The following SLC35F1 variants were observed in gnomAD, a reference collection of about 807,000 sequenced individuals.
The protein encoded by SLC35F1 is chromosome 6 open reading frame 169.
SLC35F1 carries 14 observed loss-of-function variants against 48.7 expected under a neutral mutation model. The ratio of observed to expected loss-of-function variants is 0.29; its 90% CI spans 0.19 to 0.45. The LOEUF is 0.45. Among genes scored for constraint, SLC35F1 ranks in the 20% least tolerant of loss-of-function variants. SLC35F1 has a pLI of 1.00. For synonymous variants in SLC35F1, 190 were observed against 202.2 expected, an observed-to-expected ratio of 0.94 and a Z score of 0.51; for missense variants, 404 against 500.0, an observed-to-expected ratio of 0.81 and a Z score of 1.83.
At chr6:118,063,508 A>C (rs1180530565) in intron 1 of SLC35F1, among the ~76,000 whole-genome samples, 1 of 152,176 alleles carries the variant, frequency 6.6e-6, no homozygotes, top group Non-Finnish European at 1.5e-5. Context: ...CATACTTTTC[A>C]GTTATTCAGT....
intron 1 of SLC35F1, among the ~76,000 whole-genome samples, chr6:117,979,227 G>A (rs537185753): frequency 6.6e-6 from 1 of 152,288 alleles, no homozygotes; most frequent in East Asian, 1.9e-4. Context: ...TGTCAAAAAA[G>A]CTTCAGTTAA....
At chr6:117,999,044 C>G in intron 1 of SLC35F1, 1 of 1,472,070 alleles carries the variant, frequency 6.8e-7, no homozygotes, top group Non-Finnish European at 9.4e-7. Flanking sequence ...TATCAAGAAA[C>G]CCCGATCACA....
intron 1 of SLC35F1, among the ~76,000 whole-genome samples, chr6:118,093,014 T>C (rs529226873): frequency 3.6e-4 from 55 of 152,242 alleles, no homozygotes; most frequent in African/African-American, 1.2e-3. Flanking sequence ...AAAGGCATGA[T>C]TGTGTTTTGA....
chr6:118,112,824 T>A lies in SLC35F1; in HGVS notation c.174-41621T>A, dbSNP rs190637928. ...GACAACCAAAAAACAACCAACAAAG[T>A]CAACAAATAGAAAACACTTACAAAT... On this transcript the variant is annotated intron_variant, in intron 1 of 7. Coordinates refer to ENST00000360388, the MANE Select transcript of SLC35F1 (RefSeq NM_001029858.4). Among the ~76,000 whole-genome samples, 723 of 151,894 alleles carry A rather than the reference T, an allele frequency of 4.8e-3. 3 individuals are homozygous for A. The highest frequency in any genetic ancestry group is 6.3e-3 in the Non-Finnish European group (428 of 67,886).
At chr6:118,011,143 G>A (rs866128876) in intron 1 of SLC35F1, among the ~76,000 whole-genome samples, 1 of 152,114 alleles carries the variant, frequency 6.6e-6, no homozygotes, top group Non-Finnish European at 1.5e-5. Context: ...GAATGGTCTT[G>A]GGATGAAACT....
At chr6:118,052,066 G>C (rs917142481) in intron 1 of SLC35F1, among the ~76,000 whole-genome samples, 4 of 152,042 alleles carry the variant, frequency 2.6e-5, no homozygotes, top group African/African-American at 9.7e-5. Flanking sequence ...CATGACTCCA[G>C]GTGGTAAATG....
chr6:118,100,326 A>C (rs1773238718), intron 1 of SLC35F1, among the ~76,000 whole-genome samples: 1 of 152,134 alleles, frequency 6.6e-6, no homozygotes, highest in African/African-American at 2.4e-5. Context: ...TAGTTAGCCA[A>C]ACTTGAGGTT....
At chr6:118,167,976 G>A (rs569775699) in intron 2 of SLC35F1, among the ~76,000 whole-genome samples, 1 of 152,196 alleles carries the variant, frequency 6.6e-6, no homozygotes, top group African/African-American at 2.4e-5. Flanking sequence ...CTTATTCACA[G>A]CAGAATAATT....
chr6:118,299,829 C>G (rs1169169908), intron 7 of SLC35F1, among the ~76,000 whole-genome samples: 1 of 152,202 alleles, frequency 6.6e-6, no homozygotes, highest in Non-Finnish European at 1.5e-5. Flanking sequence ...CCCACGAATT[C>G]TATACAGGGA....
At chr6:118,002,531 C>T (rs1162399378) in intron 1 of SLC35F1, among the ~76,000 whole-genome samples, 2 of 151,642 alleles carry the variant, frequency 1.3e-5, no homozygotes, top group Non-Finnish European at 2.9e-5. Flanking sequence ...AGCACACCAG[C>T]ATGGCACATG....
intron 3 of SLC35F1, among the ~76,000 whole-genome samples, chr6:118,255,779 C>T (rs1775635404): frequency 6.6e-6 from 1 of 152,074 alleles, no homozygotes; most frequent in Non-Finnish European, 1.5e-5. Flanking sequence ...AGGGTATTTC[C>T]TGGAAAAGGG....
intron 1 of SLC35F1, among the ~76,000 whole-genome samples, chr6:118,035,072 C>G (rs1235511561): frequency 6.6e-6 from 1 of 152,074 alleles, no homozygotes; most frequent in Non-Finnish European, 1.5e-5. Context: ...AGATACAGGG[C>G]TCTTTAGTTT....
At chr6:117,941,133 T>C (rs148892801) in intron 1 of SLC35F1, among the ~76,000 whole-genome samples, 240 of 152,344 alleles carry the variant, frequency 1.6e-3, no homozygotes, top group Non-Finnish European at 2.8e-3. Flanking sequence ...CCATGTTGGC[T>C]ATGCTGTTTA....
intron 3 of SLC35F1, among the ~76,000 whole-genome samples, chr6:118,238,426 AAAT>A (rs67710305): frequency 0.48 from 68,595 of 144,248 alleles, 16,467 homozygotes; most frequent in Non-Finnish European, 0.5. Context: ...CCCATCTCTA[AAAT>A]AATAATAATA....
chr6:117,938,568 T>C (rs1166249694), intron 1 of SLC35F1, among the ~76,000 whole-genome samples: 2 of 152,196 alleles, frequency 1.3e-5, no homozygotes, highest in African/African-American at 4.8e-5. Context: ...GAGGGGCGGA[T>C]TCCTGCTGAG....
chr6:118,016,141 A>G (rs1294771104), intron 1 of SLC35F1, among the ~76,000 whole-genome samples: 1 of 152,226 alleles, frequency 6.6e-6, no homozygotes, highest in Non-Finnish European at 1.5e-5. Flanking sequence ...CTTCTTGAGA[A>G]TTCAGCTCAA....
chr6:118,188,413 G>A (rs1363364667), intron 2 of SLC35F1, among the ~76,000 whole-genome samples: 3 of 152,140 alleles, frequency 2.0e-5, no homozygotes, highest in Non-Finnish European at 4.4e-5. Flanking sequence ...AGCTGAGCGT[G>A]GTGGCATGCA....
At chr6:118,210,720 G>A (rs1018326009) in intron 2 of SLC35F1, among the ~76,000 whole-genome samples, 14 of 152,316 alleles carry the variant, frequency 9.2e-5, no homozygotes, top group African/African-American at 3.4e-4. Flanking sequence ...AGGGGAACCT[G>A]TTGTGTCTCC....
intron 2 of SLC35F1, among the ~76,000 whole-genome samples, chr6:118,225,728 T>C (rs943989061): frequency 2.1e-5 from 3 of 142,296 alleles, no homozygotes; most frequent in Non-Finnish European, 4.6e-5. Flanking sequence ...AAAAAAAATT[T>C]AGCTGGGTGT....
Sources: gnomAD v4.1 joint callset for allele counts (sites outside exome capture counted in the v4.1 genomes callset) on GRCh38, gnomAD v4.1.1 for gene constraint, MANE v1.5 for transcripts, NCBI Gene and HGNC (gene_info 2026-07-23, HGNC 2026-07-21) for gene names.